The following TRPC1 variants were observed in gnomAD, a reference collection of about 807,000 sequenced individuals.
TRPC1 encodes transient receptor potential cation channel subfamily C member 1, also known as short transient receptor potential channel 1.
Under a neutral mutation model 88.2 loss-of-function variants are expected in TRPC1, and 42 were observed. The ratio of observed to expected loss-of-function variants is 0.48; its 90% CI spans 0.37 to 0.62. The LOEUF is 0.62. Ranked by LOEUF, TRPC1 falls within the 20% of genes least tolerant of loss-of-function variation. The pLI is 0.00. For missense variants in TRPC1, 699 were observed against 957.3 expected, an observed-to-expected ratio of 0.73 and a Z score of 3.56; for synonymous variants, 288 against 331.8, an observed-to-expected ratio of 0.87 and a Z score of 1.43.
intron 4 of TRPC1, among the ~76,000 whole-genome samples, chr3:142,753,467 C>T (rs1553802046): frequency 6.6e-6 from 1 of 152,020 alleles, no homozygotes; most frequent in Non-Finnish European, 1.5e-5. Flanking sequence ...AGGAGGTTAA[C>T]AAAATTAGTA....
chr3:142,748,684 G>T (rs1371251867), intron 4 of TRPC1, among the ~76,000 whole-genome samples: 1 of 152,168 alleles, frequency 6.6e-6, no homozygotes, highest in African/African-American at 2.4e-5. Context: ...TATGAATGAA[G>T]TTATCTCATA....
chr3:142,747,340 T>G (rs1229453715), intron 3 of TRPC1, among the ~76,000 whole-genome samples: 3 of 130,548 alleles, frequency 2.3e-5, no homozygotes, highest in African/African-American at 9.0e-5. Context: ...TTTATAATAT[T>G]GCAAAAAAAA....
intron 4 of TRPC1, among the ~76,000 whole-genome samples, chr3:142,770,821 G>T (rs1447589673): frequency 1.3e-5 from 2 of 152,074 alleles, no homozygotes; most frequent in Admixed American, 1.3e-4. Context: ...TGATTTATAA[G>T]ACTGTTTGCA....
intron 1 of TRPC1, among the ~76,000 whole-genome samples, chr3:142,730,997 A>T (rs1259227530): frequency 2.6e-5 from 4 of 152,238 alleles, no homozygotes; most frequent in African/African-American, 9.6e-5. Context: ...GAAGAGGTGG[A>T]ATCACCTGTT....
At chr3:142,772,453 A>G (rs1162054040) in intron 4 of TRPC1, among the ~76,000 whole-genome samples, 1 of 152,092 alleles carries the variant, frequency 6.6e-6, no homozygotes, top group East Asian at 1.9e-4. Context: ...TGAGCCCTGT[A>G]TTAGTTTTCT....
chr3:142,765,690 A>G (rs115443685), intron 4 of TRPC1, among the ~76,000 whole-genome samples: 166 of 152,330 alleles, frequency 1.1e-3, no homozygotes, highest in African/African-American at 3.8e-3. Flanking sequence ...AAAGTCCTCA[A>G]AAGTAATTTC....
chr3:142,772,795 A>C (rs183978228), intron 4 of TRPC1, among the ~76,000 whole-genome samples: 41 of 152,168 alleles, frequency 2.7e-4, no homozygotes, highest in East Asian at 1.9e-4. Context: ...TCAAAAAAAA[A>C]CCCAAATTTT....
At position 142,792,176 on chromosome 3, in the gene TRPC1, G is replaced by C. The variant is rs968960906; in HGVS notation, c.1438-648G>C. 6.6e-6 allele frequency among the ~76,000 whole-genome samples: 1 copy of C among 151,936 alleles called. No homozygotes were observed. The highest frequency in any genetic ancestry group is 1.5e-5 in the Non-Finnish European group (1 of 67,912). On this transcript the variant is annotated intron_variant, in intron 8 of 12. Coordinates refer to ENST00000476941, the MANE Select transcript of TRPC1 (RefSeq NM_001251845.2). This position sits in a 1 kb window ranked among gnomAD's most constrained non-coding sequence, Gnocchi z 4.0. The stretch of plus-strand genomic sequence containing the variant: ...GAAAATTGGTCATATATAGATAAAT[G>C]GTTTGATAAAGGGATTGAGAGACAT...
At chr3:142,805,285 C>T (rs1236344702) in intron 12 of TRPC1, among the ~76,000 whole-genome samples, 2 of 151,518 alleles carry the variant, frequency 1.3e-5, no homozygotes, top group Non-Finnish European at 2.9e-5. Flanking sequence ...TTCAAAATAC[C>T]CATTCTGTCA....
chr3:142,783,488 C>G (rs938016552), intron 6 of TRPC1, among the ~76,000 whole-genome samples: 3 of 152,164 alleles, frequency 2.0e-5, no homozygotes, highest in African/African-American at 7.2e-5. Context: ...TAATACAGTG[C>G]CTACACATCA....
rs1272551416 is a variant in TRPC1, at chr3:142,777,697, C to T, written c.698C>T (p.Pro233Leu). The T allele has an allele frequency of 1.9e-6, 3 of 1,612,740 alleles. No homozygotes were observed. Among genetic ancestry groups the T allele is most frequent in the Non-Finnish European group, 2.5e-6 (3 of 1,179,218 alleles). The change falls in exon 5 of 13, where the codon CCA (proline) becomes CTA (leucine). Residue 233 changes from proline (P) to leucine (L), a missense_variant. By Grantham distance (98) the Pro-to-Leu change is moderately conservative. This residue lies in a region of TRPC1 where 426 missense variants were observed against 641.3 expected (regional missense o/e 0.66). Transcript: ENST00000476941. ...PALIMLTEEDPILRAFELSAD... is the reference protein window; with the variant it reads ...PALIMLTEEDLILRAFELSAD... ...CTAATAATGTTAACAGAGGAGGATC[C>T]AATTCTGAGAGCATTTGAACTTAGT...
intron 4 of TRPC1, among the ~76,000 whole-genome samples, chr3:142,756,714 C>G (rs1560101890): frequency 6.6e-6 from 1 of 152,046 alleles, no homozygotes; most frequent in Non-Finnish European, 1.5e-5. Flanking sequence ...TATTGCTGGT[C>G]TTTTTTCTTA....
At chr3:142,774,975 G>C (rs1182184181) in intron 4 of TRPC1, among the ~76,000 whole-genome samples, 9 of 152,244 alleles carry the variant, frequency 5.9e-5, no homozygotes, top group African/African-American at 2.2e-4. Flanking sequence ...ACATGATAAA[G>C]TAGGTTAATA....
chr3:142,780,200 A>G (rs1346669985), intron 5 of TRPC1, among the ~76,000 whole-genome samples: 1 of 152,284 alleles, frequency 6.6e-6, no homozygotes, highest in African/African-American at 2.4e-5. Flanking sequence ...CATTTCTCAC[A>G]AATTAGTTTA....
intron 12 of TRPC1, 105 bp downstream of exon 12, chr3:142,804,735 T>C (rs1052941191): frequency 2.7e-6 from 3 of 1,104,198 alleles, no homozygotes; most frequent in Non-Finnish European, 3.8e-6. Flanking sequence ...GCTGTGACTG[T>C]CTGACTTTTT....
At chr3:142,803,686 G>A (rs1936690805) in intron 10 of TRPC1, among the ~76,000 whole-genome samples, 1 of 152,174 alleles carries the variant, frequency 6.6e-6, no homozygotes, top group Admixed American at 6.6e-5. Context: ...TTGAGCAGAG[G>A]TGTGACAAAA....
chr3:142,790,249 C>G (rs968557419), intron 7 of TRPC1, among the ~76,000 whole-genome samples: 2 of 152,004 alleles, frequency 1.3e-5, no homozygotes, highest in East Asian at 3.9e-4. Flanking sequence ...AGGAGGCCAG[C>G]GCGACTAGAA....
intron 4 of TRPC1, among the ~76,000 whole-genome samples, chr3:142,755,672 T>C (rs1934936078): frequency 6.6e-6 from 1 of 152,196 alleles, no homozygotes; most frequent in African/African-American, 2.4e-5. Context: ...TAAAAGTACT[T>C]TGGACATAGG....
At chr3:142,759,005 T>C (rs1262726270) in intron 4 of TRPC1, among the ~76,000 whole-genome samples, 1 of 152,162 alleles carries the variant, frequency 6.6e-6, no homozygotes, top group Non-Finnish European at 1.5e-5. Flanking sequence ...GGACATGAAC[T>C]CATCCTTTTT....
Sources: gnomAD v4.1 joint callset for allele counts (sites outside exome capture counted in the v4.1 genomes callset) on GRCh38, gnomAD v4.1.1 for gene constraint, gnomAD v4.1.1 regional missense constraint, Gnocchi (gnomAD v3.1) non-coding constraint, MANE v1.5 for transcripts, NCBI Gene and HGNC (gene_info 2026-07-23, HGNC 2026-07-21) for gene names.